ANXA11: variants seen among roughly 807,000 people sequenced by gnomAD.
The protein encoded by ANXA11 is 56 kDa autoantigen.
A neutral mutation model predicts 64.7 loss-of-function variants in ANXA11; 57 were observed. That is an observed-to-expected ratio of 0.88 (90% CI 0.71 to 1.10). The LOEUF (loss-of-function observed/expected upper bound fraction) is 1.10. ANXA11 is among the 50% of genes least tolerant of loss of function. The pLI is 0.00. For synonymous variants in ANXA11, 260 were observed against 265.2 expected, an observed-to-expected ratio of 0.98 and a Z score of 0.19; for missense variants, 675 against 670.7, an observed-to-expected ratio of 1.01 and a Z score of -0.07.
At chr10:80,180,790 T>C (rs1180081554) in intron 1 of ANXA11, among the ~76,000 whole-genome samples, 5 of 152,246 alleles carry the variant, frequency 3.3e-5, no homozygotes, top group Non-Finnish European at 4.4e-5. Flanking sequence ...CCAAAGTTCA[T>C]GTGCTGCAAA....
rs7079288 is a variant in ANXA11, at chr10:80,180,717, T to C, written c.-57-4562A>G. ...ACACACAATTTATTTTTTAAAATACTTTCCCCATAAGGTTGTATCCATAAA... is the reference window on the plus strand; with the variant it reads ...ACACACAATTTATTTTTTAAAATACCTTCCCCATAAGGTTGTATCCATAAA... On this transcript the variant is annotated intron_variant, in intron 1 of 15. Coordinates refer to ENST00000422982, the MANE Select transcript of ANXA11 (RefSeq NM_145868.2). 6.3e-3 allele frequency among the ~76,000 whole-genome samples: 961 copies of C among 152,270 alleles called. 5 individuals are homozygous for C. The highest frequency in any genetic ancestry group is 0.022 in the African/African-American group (897 of 41,560).
chr10:80,166,237 ACAAGTCTATTT>A, intron 7 of ANXA11, 40 bp from the exon 8 acceptor site: 1 of 1,207,248 alleles, frequency 8.3e-7, no homozygotes, highest in South Asian at 1.3e-5. Context: ...AAAAAAAAAA[ACAAGTCTATTT>A]AAAAAATCCA....
At chr10:80,170,562 G>A (rs1219061593) in intron 4 of ANXA11, among the ~76,000 whole-genome samples, 1 of 152,200 alleles carries the variant, frequency 6.6e-6, no homozygotes, top group African/African-American at 2.4e-5. Flanking sequence ...AGGGACCTGT[G>A]AGATCATCTG....
chr10:80,157,459 T>C, intron 15 of ANXA11, 182 bp downstream of exon 15: 1 of 985,336 alleles, frequency 1.0e-6, no homozygotes, highest in Non-Finnish European at 1.2e-6. Context: ...AAGGTCATGA[T>C]CCACCTGCCC....
chr10:80,196,194 CTCA>C (rs369787306), intron 1 of ANXA11, among the ~76,000 whole-genome samples: 5 of 152,300 alleles, frequency 3.3e-5, no homozygotes, highest in African/African-American at 1.2e-4. Context: ...TATTATCATC[CTCA>C]TTTTATAAGC....
chr10:80,204,563 G>A (rs1653044621), intron 1 of ANXA11, among the ~76,000 whole-genome samples: 1 of 152,204 alleles, frequency 6.6e-6, no homozygotes, highest in Non-Finnish European at 1.5e-5. Flanking sequence ...GAAATGCCCC[G>A]GGCTGACTGT....
Position 80,155,665 on chromosome 10 carries a change from G to A in ANXA11, c.*188C>T, listed in dbSNP as rs937064546. The A allele has an allele frequency of 1.7e-6, 1 of 592,986 alleles. No individual in the cohort carries two copies. Among genetic ancestry groups the A allele is most frequent in the Non-Finnish European group, 3.0e-6 (1 of 335,368 alleles). The allele number at this position is 592,986 out of a possible 1,614,324, so 36.7% of individuals were successfully genotyped here. A position where few individuals can be genotyped will look rare whatever the true frequency, so the allele number is the denominator to read the frequency against. ...GGATGGGGTAGAAAAGGCATCCTGA[G>A]AGAGTTCTAGACCGACCCAGGTCCT... On this transcript the variant is annotated 3_prime_UTR_variant, in exon 16 of 16. Coordinates refer to ENST00000422982, the MANE Select transcript of ANXA11 (RefSeq NM_145868.2).
intron 12 of ANXA11, among the ~76,000 whole-genome samples, chr10:80,160,042 C>T (rs551863890): frequency 6.6e-6 from 1 of 152,306 alleles, no homozygotes; most frequent in East Asian, 1.9e-4. Context: ...TGATGGAGAC[C>T]TTGGTCCTGA....
chr10:80,160,927 G>A (rs77634968), intron 12 of ANXA11, among the ~76,000 whole-genome samples: 7,058 of 152,074 alleles, frequency 0.046, 257 homozygotes, highest in East Asian at 0.2. Flanking sequence ...CACACGTCAC[G>A]TGTCCAATTC....
chr10:80,163,477 C>A, intron 10 of ANXA11, 57 bp downstream of exon 10: 1 of 1,608,778 alleles, frequency 6.2e-7, no homozygotes, highest in Non-Finnish European at 8.5e-7. Flanking sequence ...TTGCGGGGAT[C>A]CCATCTCTTT....
intron 1 of ANXA11, among the ~76,000 whole-genome samples, chr10:80,189,026 T>C (rs554619422): frequency 6.6e-6 from 1 of 152,226 alleles, no homozygotes; most frequent in African/African-American, 2.4e-5. Context: ...TCTGATTAGG[T>C]CCCTCAAAGA....
intron 1 of ANXA11, among the ~76,000 whole-genome samples, chr10:80,192,769 T>C (rs1371298865): frequency 6.6e-6 from 1 of 152,204 alleles, no homozygotes; most frequent in Non-Finnish European, 1.5e-5. Flanking sequence ...CAGCTTATAA[T>C]TCTATAGCCA....
At chr10:80,201,465 C>T (rs1488793529) in intron 1 of ANXA11, among the ~76,000 whole-genome samples, 1 of 152,208 alleles carries the variant, frequency 6.6e-6, no homozygotes, top group African/African-American at 2.4e-5. Flanking sequence ...GACCCACCAG[C>T]TTATTTGGTA....
intron 2 of ANXA11, among the ~76,000 whole-genome samples, chr10:80,175,359 G>C (rs1001372043): frequency 6.6e-6 from 1 of 152,080 alleles, no homozygotes; most frequent in Non-Finnish European, 1.5e-5. Flanking sequence ...ACACCACTAG[G>C]CAGGACCTTT....
rs146644733 is a variant in ANXA11 at position 80,157,675 on chromosome 10, C to T, written c.1424G>A (p.Arg475Gln). ...DLLDIRSEYK[R>Q]MYGKSLYHDI... ...GTGGTACAGCGACTTGCCGTACATC[C>T]GCTTATACTCTGATCTGATGTCCAG... Residue 475 changes from arginine to glutamine, a missense_variant, in exon 15 of 16, where the codon CGG becomes CAG. Coordinates refer to ENST00000422982, the MANE Select transcript of ANXA11 (RefSeq NM_145868.2). 86 of 1,613,920 alleles carry T rather than the reference C, an allele frequency of 5.3e-5. No homozygotes were observed. Among genetic ancestry groups the T allele is most frequent in the Middle Eastern group, 1.6e-4 (1 of 6,062 alleles).
At chr10:80,182,284 T>C (rs1846384812) in intron 1 of ANXA11, among the ~76,000 whole-genome samples, 1 of 151,906 alleles carries the variant, frequency 6.6e-6, no homozygotes, top group African/African-American at 2.4e-5. Context: ...CTATAACCAC[T>C]CTAAAAAATA....
chr10:80,180,082 C>T (rs75631106), intron 1 of ANXA11, among the ~76,000 whole-genome samples: 2,343 of 152,312 alleles, frequency 0.015, 61 homozygotes, highest in African/African-American at 0.053. Context: ...AGCCATGTTA[C>T]GTGTACGTAA....
At chr10:80,198,336 G>C (rs1262917733) in intron 1 of ANXA11, among the ~76,000 whole-genome samples, 1 of 152,208 alleles carries the variant, frequency 6.6e-6, no homozygotes, top group Non-Finnish European at 1.5e-5. Context: ...ACACACCATA[G>C]CCTGGCACAC....
chr10:80,166,316 C>T (rs868815822), intron 7 of ANXA11, 119 bp from the exon 8 acceptor site: 10 of 619,962 alleles, frequency 1.6e-5, no homozygotes, highest in Middle Eastern at 8.5e-4. Flanking sequence ...CATGGACATC[C>T]CCCAGGGGCC....
Sources: allele counts gnomAD v4.1 joint callset (sites outside exome capture counted in the v4.1 genomes callset), GRCh38; gene constraint gnomAD v4.1.1; transcripts MANE v1.5; gene names NCBI Gene and HGNC (gene_info 2026-07-23, HGNC 2026-07-21).